TMEM128: variants seen among roughly 807,000 people sequenced by gnomAD.
The protein encoded by TMEM128 is transmembrane protein 128.
A neutral mutation model predicts 19.7 loss-of-function variants in TMEM128; 16 were observed. That is an observed-to-expected ratio of 0.81 (90% CI 0.55 to 1.23). The LOEUF (loss-of-function observed/expected upper bound fraction) is 1.23, where lower values mean the gene tolerates loss of function less well. TMEM128 is among the 50% of genes most tolerant of loss of function. The probability of loss-of-function intolerance (pLI) is 0.00; values close to 1 mark genes in which losing one functional copy is unlikely to be tolerated. For synonymous variants in TMEM128, 98 were observed against 75.8 expected, an observed-to-expected ratio of 1.29 and a Z score of -1.52; for missense variants, 237 against 200.8, an observed-to-expected ratio of 1.18 and a Z score of -1.09.
At position 4,246,307 on chromosome 4, in the gene TMEM128, A is replaced by G; in HGVS notation, c.134T>C (p.Leu45Pro). Residue 45 changes from leucine (L) to proline (P), a missense_variant, in exon 2 of 5, where the codon CTT becomes CCT. Coordinates refer to ENST00000382753, the MANE Select transcript of TMEM128 (RefSeq NM_001297551.2). ...STAVEKKEKP[L>P]PRLNIHSGFW... ...TCCAGAATGGATATTAAGTCTTGGA[A>G]GAGGTTTCTCCTTTTTCTCAACAGC... The G allele has an allele frequency of 6.2e-7, 1 of 1,612,708 alleles. No homozygotes were observed. Among genetic ancestry groups the G allele is most frequent in the Non-Finnish European group, 8.5e-7 (1 of 1,179,596 alleles).
rs561482009 is a variant in TMEM128, at chr4:4,241,511, C to T, written c.240-1032G>A. ...ATCATCTGCTTCTCTATGGGAAAAGCCTGACAATCCATGTGGAAGAGAGAG... is the reference window on the plus strand; with the variant it reads ...ATCATCTGCTTCTCTATGGGAAAAGTCTGACAATCCATGTGGAAGAGAGAG... On this transcript the variant is annotated intron_variant, in intron 2 of 4. Coordinates refer to ENST00000382753, the MANE Select transcript of TMEM128 (RefSeq NM_001297551.2). Among the ~76,000 whole-genome samples the T allele has an allele frequency of 9.8e-5, 15 of 152,286 alleles. No homozygotes were observed. The South Asian group carries it at 3.1e-3, about 32-fold the overall frequency.
In TMEM128 at chr4:4,247,488, T is replaced by C. The variant is rs142275762; in HGVS notation, c.97+618A>G. On this transcript the variant is annotated intron_variant, in intron 1 of 4. Transcript: ENST00000382753. ...TAAAAAATATCCAAAATGAAGTATC[T>C]GTCTCCCATCCTTAACCTCAGATCT... 3 of 1,399,034 alleles carry C rather than the reference T, an allele frequency of 2.1e-6. No individual in the cohort carries two copies. The African/African-American group carries it at 4.3e-5, about 20-fold the overall frequency. The allele number at this position is 1,399,034 out of a possible 1,614,324, so 86.7% of individuals were successfully genotyped here. A position where few individuals can be genotyped will look rare whatever the true frequency, so the allele number is the denominator to read the frequency against.
chr4:4,248,195 G>T lies in TMEM128; in HGVS notation c.8C>A (p.Ser3Tyr), dbSNP rs779242372. The change falls in exon 1 of 5, where the codon TCC (serine) becomes TAC (tyrosine). Residue 3 changes from serine (S) to tyrosine (Y), a missense_variant. Coordinates refer to ENST00000382753, the MANE Select transcript of TMEM128 (RefSeq NM_001297551.2). The stretch of plus-strand genomic sequence containing the variant: ...CCGGAGCTGCTGCCGGGCCCGCGAG[G>T]AGTCCATCTTGGTACCGCCCCGAAA... MD[S>Y]SRARQQLRRR... is the part of the protein sequence containing the mutation. 1 of 1,524,852 alleles carries T rather than the reference G, an allele frequency of 6.6e-7. No homozygotes were observed. The highest frequency in any genetic ancestry group is 1.4e-5 in the African/African-American group (1 of 71,590). The allele number at this position is 1,524,852 out of a possible 1,614,324, so 94.5% of individuals were successfully genotyped here.
chr4:4,247,670 A>G, intron 1 of TMEM128: 2 of 1,613,984 alleles, frequency 1.2e-6, no homozygotes, highest in South Asian at 1.1e-5. Context: ...CCCCATTGGT[A>G]CATACGAGTC....
chr4:4,245,863 GTTAA>G (rs1466863645), intron 2 of TMEM128, among the ~76,000 whole-genome samples: 2 of 151,888 alleles, frequency 1.3e-5, no homozygotes, highest in African/African-American at 4.8e-5. Context: ...CCACAATCAA[GTTAA>G]TTATCACACT....
Position 4,240,440 on chromosome 4 carries a change from T to C in TMEM128, c.279A>G (p.Leu93=). ...LCGSALLLVS[L]SIAFYCIVYL... ...AGACTATGCAGTAAAATGCAATTGA[T>C]AAACTGACAAGCAACAAGGCACTGC... The change falls in exon 3 of 5, where the codon TTA becomes TTG. Residue 93 remains leucine, a synonymous_variant. Coordinates refer to ENST00000382753, the MANE Select transcript of TMEM128 (RefSeq NM_001297551.2). 1.9e-5 allele frequency: 30 copies of C among 1,613,774 alleles called. No individual in the cohort carries two copies. Among genetic ancestry groups the C allele is most frequent in the Non-Finnish European group, 2.5e-5 (29 of 1,179,790 alleles).
intron 4 of TMEM128, 65 bp downstream of exon 4, chr4:4,237,762 A>C: frequency 9.8e-7 from 1 of 1,018,160 alleles, no homozygotes; most frequent in Non-Finnish European, 1.5e-6. Flanking sequence ...CATCCACTGA[A>C]AATTGTCATA....
At chr4:4,244,186 T>C (rs1157196367) in intron 2 of TMEM128, among the ~76,000 whole-genome samples, 1 of 151,944 alleles carries the variant, frequency 6.6e-6, no homozygotes, top group Non-Finnish European at 1.5e-5. Flanking sequence ...AAAGTACCCA[T>C]CCCCTCCAGC....
At chr4:4,238,109 G>A (rs1284303862) in intron 3 of TMEM128, among the ~76,000 whole-genome samples, 174 bp from the exon 4 acceptor site, 1 of 152,174 alleles carries the variant, frequency 6.6e-6, no homozygotes, top group African/African-American at 2.4e-5. Context: ...GAAAACTCTA[G>A]ATATACTTAA....
intron 2 of TMEM128, among the ~76,000 whole-genome samples, chr4:4,245,463 G>C (rs1718128986): frequency 6.6e-6 from 1 of 152,058 alleles, no homozygotes; most frequent in Non-Finnish European, 1.5e-5. Context: ...ATTCCCACTG[G>C]CCACAGTTCT....
intron 1 of TMEM128, chr4:4,247,522 GAAGCAACC>G (rs776663127): frequency 1.2e-4 from 197 of 1,605,792 alleles, no homozygotes; most frequent in Non-Finnish European, 1.6e-4. Context: ...CTAATCCCCA[GAAGCAACC>G]ACCACTTACA....
chr4:4,237,541 C>A (rs1029570980), intron 4 of TMEM128, among the ~76,000 whole-genome samples: 1 of 152,118 alleles, frequency 6.6e-6, no homozygotes, highest in African/African-American at 2.4e-5. Context: ...ACTTGGGAAA[C>A]TGAGGTGGGA....
At chr4:4,239,851 C>G (rs1717876883) in intron 3 of TMEM128, among the ~76,000 whole-genome samples, 1 of 152,072 alleles carries the variant, frequency 6.6e-6, no homozygotes, top group African/African-American at 2.4e-5. Context: ...GTAGCTGAAA[C>G]AAAAATAGAA....
At chr4:4,247,685 T>C in intron 1 of TMEM128, 2 of 1,613,654 alleles carry the variant, frequency 1.2e-6, no homozygotes, top group South Asian at 2.2e-5. Flanking sequence ...CGAGTCGACC[T>C]GATGTGTCAG....
At chr4:4,244,908 A>C (rs562285397) in intron 2 of TMEM128, among the ~76,000 whole-genome samples, 1 of 152,260 alleles carries the variant, frequency 6.6e-6, no homozygotes, top group African/African-American at 2.4e-5. Flanking sequence ...GTTTAGGGAA[A>C]GTTTCTCCCC....
chr4:4,248,081 CG>C, intron 1 of TMEM128, 24 bp downstream of exon 1: 3 of 1,535,178 alleles, frequency 2.0e-6, no homozygotes, highest in Non-Finnish European at 8.7e-7. Context: ...CTGAGAACCT[CG>C]GGGCGGCTTG....
chr4:4,240,616 A>G (rs1717915541), intron 2 of TMEM128, 137 bp from the exon 3 acceptor site: 2 of 936,444 alleles, frequency 2.1e-6, no homozygotes, highest in Admixed American at 5.8e-5. Flanking sequence ...TAAACAATCC[A>G]TGCTTTCAGA....
intron 2 of TMEM128, among the ~76,000 whole-genome samples, chr4:4,242,555 G>T (rs1286707935): frequency 1.3e-5 from 2 of 150,586 alleles, no homozygotes; most frequent in African/African-American, 4.9e-5. Flanking sequence ...TCTCGCTGTT[G>T]TTGCCCAGGC....
At position 4,240,376 on chromosome 4, in the gene TMEM128, T is replaced by C. The variant is rs1717902714; in HGVS notation, c.343A>G (p.Lys115Glu). 6.8e-6 allele frequency: 11 copies of C among 1,614,170 alleles called. No homozygotes were observed. Among genetic ancestry groups the C allele is most frequent in the Non-Finnish European group, 9.3e-6 (11 of 1,180,016 alleles). The stretch of plus-strand genomic sequence containing the variant: ...GTAATGGGTATCAAGGCTGGATACT[T>C]GACATCATATTCTCCAATTCCACAA... The part of the protein sequence containing the change: ...WYCGIGEYDV[K>E]YPALIPITTA... Residue 115 changes from lysine (K) to glutamate (E), a missense_variant, in exon 3 of 5, where the codon AAG (lysine) becomes GAG (glutamate). Physicochemically the swap from Lys to Glu is moderately conservative, Grantham distance 56 (BLOSUM62 1). Transcript: ENST00000382753.
Sources: gnomAD v4.1 joint callset for allele counts (sites outside exome capture counted in the v4.1 genomes callset) on GRCh38, gnomAD v4.1.1 for gene constraint, MANE v1.5 for transcripts, NCBI Gene and HGNC (gene_info 2026-07-23, HGNC 2026-07-21) for gene names.